Variants in SMOC2 observed in about 807,000 individuals in gnomAD.
SMOC2 encodes the protein SPARC-related modular calcium-binding protein 2.
SMOC2 carries 39 observed loss-of-function variants against 61.4 expected under a neutral mutation model. That is an observed-to-expected ratio of 0.64 (90% confidence interval 0.49 to 0.83). SMOC2 has a LOEUF of 0.83. Among genes scored for constraint, SMOC2 ranks in the 40% least tolerant of loss-of-function variants. SMOC2 has a pLI of 0.00. For missense variants in SMOC2, 556 were observed against 592.9 expected, an observed-to-expected ratio of 0.94 and a Z score of 0.65; for synonymous variants, 247 against 239.9, an observed-to-expected ratio of 1.03 and a Z score of -0.27.
At chr6:168,474,399 C>G (rs1782033172) in intron 1 of SMOC2, among the ~76,000 whole-genome samples, 1 of 152,080 alleles carries the variant, frequency 6.6e-6, no homozygotes, top group African/African-American at 2.4e-5. Context: ...TGATTCCACC[C>G]TCTCGTGATT....
At chr6:168,548,946 A>T (rs1289950341) in intron 6 of SMOC2, among the ~76,000 whole-genome samples, 183 bp from the exon 7 acceptor site, 1 of 152,212 alleles carries the variant, frequency 6.6e-6, no homozygotes, top group East Asian at 1.9e-4. Context: ...AATATTTTAA[A>T]TGTATATTAT....
chr6:168,592,680 C>T (rs1303225445), intron 7 of SMOC2, among the ~76,000 whole-genome samples: 2 of 80,072 alleles, frequency 2.5e-5, no homozygotes, highest in Non-Finnish European at 5.9e-5. Flanking sequence ...TGAGGCCTCA[C>T]GGGCATCTTT....
chr6:168,487,840 C>G (rs747345952), intron 1 of SMOC2, among the ~76,000 whole-genome samples: 11 of 152,154 alleles, frequency 7.2e-5, no homozygotes, highest in Non-Finnish European at 1.3e-4. Flanking sequence ...ACATGGCACA[C>G]AATCTATACG....
At chr6:168,663,936 GT>G in intron 11 of SMOC2, 137 bp from the exon 12 acceptor site, 1 of 680,898 alleles carries the variant, frequency 1.5e-6, no homozygotes, top group Non-Finnish European at 2.5e-6. Context: ...ACTGTATGTG[GT>G]TTTTTTCATA....
intron 4 of SMOC2, among the ~76,000 whole-genome samples, chr6:168,531,993 C>A (rs1295710216): frequency 6.6e-6 from 1 of 152,062 alleles, no homozygotes; most frequent in Non-Finnish European, 1.5e-5. Context: ...TTGGATATGG[C>A]GAGGACAAGA....
At position 168,623,723 on chromosome 6, in the gene SMOC2, G is replaced by T. The variant is rs12525350; in HGVS notation, c.907+15484G>T. On this transcript the variant is annotated intron_variant, in intron 9 of 12. Coordinates refer to ENST00000356284, the MANE Select transcript of SMOC2 (RefSeq NM_001166412.2). ...GACTCAGGAAGGTGAGATGCTGGGC[G>T]GAAGGATTGCTTGAGTCTGGGAGTT... is the stretch of plus-strand genomic sequence containing the variant. Among the ~76,000 whole-genome samples, 12 of 151,982 alleles carry T rather than the reference G, an allele frequency of 7.9e-5. No homozygotes were observed. The South Asian group carries it at 2.5e-3, about 32-fold the overall frequency.
chr6:168,442,834 C>G (rs952617724), intron 1 of SMOC2, among the ~76,000 whole-genome samples: 15 of 152,208 alleles, frequency 9.9e-5, no homozygotes, highest in African/African-American at 3.6e-4. Context: ...CCTTGTGTCT[C>G]ACAAATGACT....
chr6:168,625,574 C>T (rs1291455464), intron 9 of SMOC2, among the ~76,000 whole-genome samples: 1 of 152,210 alleles, frequency 6.6e-6, no homozygotes, highest in East Asian at 1.9e-4. Context: ...ATAGCATAGG[C>T]TCAAATCCAG....
chr6:168,595,367 T>A (rs1316665119), intron 7 of SMOC2, among the ~76,000 whole-genome samples: 1 of 152,200 alleles, frequency 6.6e-6, no homozygotes, highest in Non-Finnish European at 1.5e-5. Flanking sequence ...GGACCTGTCA[T>A]GTGCGAATTC....
intron 1 of SMOC2, among the ~76,000 whole-genome samples, chr6:168,447,430 T>A (rs1236468367): frequency 6.6e-6 from 1 of 152,168 alleles, no homozygotes; most frequent in Non-Finnish European, 1.5e-5. Flanking sequence ...GCTATTTCTA[T>A]TTTAGCACCA....
chr6:168,520,788 T>G (rs1490660042), intron 2 of SMOC2, among the ~76,000 whole-genome samples: 1 of 152,218 alleles, frequency 6.6e-6, no homozygotes, highest in Non-Finnish European at 1.5e-5. Flanking sequence ...TAGCTTAGTG[T>G]GTTTATGTTA....
intron 1 of SMOC2, among the ~76,000 whole-genome samples, chr6:168,499,616 GT>G (rs529349486): frequency 1.8e-3 from 278 of 152,262 alleles, no homozygotes; most frequent in Non-Finnish European, 3.1e-3. Context: ...ACCTCCCAAA[GT>G]TTTAATTGTC....
intron 7 of SMOC2, among the ~76,000 whole-genome samples, chr6:168,582,247 G>A (rs1356708074): frequency 6.6e-6 from 1 of 152,170 alleles, no homozygotes; most frequent in East Asian, 1.9e-4. Context: ...GGGATGTCAT[G>A]GATTGGTTTT....
chr6:168,647,277 C>T (rs1787058813), intron 9 of SMOC2, among the ~76,000 whole-genome samples: 1 of 152,214 alleles, frequency 6.6e-6, no homozygotes, highest in African/African-American at 2.4e-5. Context: ...GGCCGTTAGA[C>T]CCCACCGTGC....
At chr6:168,510,186 C>A in intron 2 of SMOC2, 100 bp downstream of exon 2, 1 of 1,267,400 alleles carries the variant, frequency 7.9e-7, no homozygotes, top group Non-Finnish European at 1.1e-6. Context: ...CATTTACAAA[C>A]TCGGGTTTAT....
intron 1 of SMOC2, among the ~76,000 whole-genome samples, chr6:168,464,397 G>A (rs995971389): frequency 4.6e-5 from 7 of 152,074 alleles, no homozygotes; most frequent in African/African-American, 1.2e-4. Flanking sequence ...TGACAGTGAC[G>A]CTGTGCCATC....
At chr6:168,481,013 A>G (rs1039664852) in intron 1 of SMOC2, among the ~76,000 whole-genome samples, 3 of 152,182 alleles carry the variant, frequency 2.0e-5, no homozygotes, top group Non-Finnish European at 2.9e-5. Context: ...GAACAGTTCA[A>G]AAATTAAGAT....
intron 1 of SMOC2, among the ~76,000 whole-genome samples, chr6:168,454,150 T>G (rs1160154535): frequency 1.3e-5 from 2 of 152,150 alleles, no homozygotes; most frequent in Non-Finnish European, 2.9e-5. Context: ...CCATGATGCC[T>G]GCAGGGGGTC....
At chr6:168,565,324 G>T (rs1447966301) in intron 7 of SMOC2, among the ~76,000 whole-genome samples, 4 of 152,216 alleles carry the variant, frequency 2.6e-5, no homozygotes, top group Admixed American at 1.3e-4. Flanking sequence ...GGCCCGAGGT[G>T]CTGGCAGGGC....
Sources: allele counts gnomAD v4.1 joint callset (sites outside exome capture counted in the v4.1 genomes callset), GRCh38; gene constraint gnomAD v4.1.1; transcripts MANE v1.5; gene names NCBI Gene and HGNC (gene_info 2026-07-23, HGNC 2026-07-21).